The following ZFAT variants were observed in gnomAD, a reference collection of about 807,000 sequenced individuals.
ZFAT encodes the protein zinc finger and AT-hook domain containing.
ZFAT carries 64 observed loss-of-function variants against 117.7 expected under a neutral mutation model. The observed-to-expected ratio is 0.54, with a 90% confidence interval of 0.44 to 0.67. The LOEUF is 0.67. Ranked by LOEUF, ZFAT falls within the 30% of genes least tolerant of loss-of-function variation. The pLI is 0.00. For missense variants in ZFAT, 1,433 were observed against 1,584.5 expected (o/e 0.90, Z 1.62); for synonymous variants, 679 against 615.0 (o/e 1.10, Z -1.54).
chr8:134,636,854 C>G (rs1346229517), intron 3 of ZFAT, among the ~76,000 whole-genome samples: 1 of 152,230 alleles, frequency 6.6e-6, no homozygotes, highest in Non-Finnish European at 1.5e-5. Context: ...TGCTTCAGAG[C>G]TGAAGCCTAG....
Position 134,600,676 on chromosome 8 carries a change from A to T in ZFAT, c.2243-8T>A. On this transcript the variant is annotated splice_region_variant and splice_polypyrimidine_tract_variant and intron_variant, in intron 6 of 15. Coordinates refer to ENST00000377838, the MANE Select transcript of ZFAT (RefSeq NM_020863.4). ...GGTACCAAAAAAGTTTGCCTAAAAA[A>T]ATATTTTCACATGAGAACAAGGAAG... 1.3e-6 allele frequency: 2 copies of T among 1,568,214 alleles called. No homozygotes were observed. The highest frequency in any genetic ancestry group is 1.7e-6 in the Non-Finnish European group (2 of 1,157,640).
intron 11 of ZFAT, among the ~76,000 whole-genome samples, chr8:134,557,794 T>G (rs1823761069): frequency 6.6e-6 from 1 of 152,198 alleles, no homozygotes; most frequent in Non-Finnish European, 1.5e-5. Context: ...GACTATGCAC[T>G]CCAATTAAAG....
At chr8:134,767,799 A>G in the ZFAT span, among the ~76,000 whole-genome samples, 1 of 152,114 alleles carries the variant, frequency 6.6e-6, no homozygotes, top group African/African-American at 2.4e-5. Context: ...TACAATTTTT[A>G]CTATGTTGTA....
intron 11 of ZFAT, among the ~76,000 whole-genome samples, chr8:134,554,445 C>A (rs1823412068): frequency 6.6e-6 from 1 of 152,248 alleles, no homozygotes; most frequent in African/African-American, 2.4e-5. Flanking sequence ...CCACCAGTTC[C>A]TTTTGTCCTA....
rs1586865621 is a variant in ZFAT at position 134,637,781 on chromosome 8, C to T, written c.197-69G>A. ...CAGTGCAGGGTTCACAATCACCCTC[C>T]AAGTGTGAGGATATGTTCAGGTTTC... is the stretch of plus-strand genomic sequence containing the variant. On this transcript the variant is annotated intron_variant, in intron 2 of 15. Transcript: ENST00000377838. The T allele has an allele frequency of 2.6e-6, 4 of 1,549,138 alleles. No individual in the cohort carries two copies. The African/African-American group carries it at 5.5e-5, about 21-fold the overall frequency.
chr8:134,565,265 C>T, intron 11 of ZFAT, 68 bp downstream of exon 11: 1 of 1,605,296 alleles, frequency 6.2e-7, no homozygotes, highest in Non-Finnish European at 8.5e-7. Context: ...ATGCTCTCTC[C>T]ATCTTCACTT....
chr8:134,493,848 GT>G (rs1201762991), intron 15 of ZFAT, among the ~76,000 whole-genome samples: 2 of 152,194 alleles, frequency 1.3e-5, no homozygotes. Flanking sequence ...CCAGCTTATA[GT>G]AGGCACTCAA....
At chr8:134,552,010 TCC>T (rs1823205150) in intron 11 of ZFAT, among the ~76,000 whole-genome samples, 1 of 152,216 alleles carries the variant, frequency 6.6e-6, no homozygotes, top group South Asian at 2.1e-4. Context: ...AATATATTAA[TCC>T]AATTAAAACA....
At chr8:134,607,640 C>A (rs17770070) in intron 5 of ZFAT, among the ~76,000 whole-genome samples, 1 of 152,252 alleles carries the variant, frequency 6.6e-6, no homozygotes, top group East Asian at 1.9e-4. Context: ...CTAGAGCCAA[C>A]CTAGGTCTAT....
chr8:134,512,653 C>G, intron 13 of ZFAT, 52 bp from the exon 14 acceptor site: 1 of 1,580,950 alleles, frequency 6.3e-7, no homozygotes, highest in South Asian at 1.1e-5. Flanking sequence ...GACTGTTGCC[C>G]AGAAGTTCCA....
chr8:134,554,616 A>G (rs1372661), intron 11 of ZFAT, among the ~76,000 whole-genome samples: 53,507 of 151,994 alleles, frequency 0.35, 9,727 homozygotes, highest in East Asian at 0.67. Flanking sequence ...GTGCACTGCC[A>G]ACTCTCCAAA....
intron 4 of ZFAT, 58 bp downstream of exon 4, chr8:134,610,412 C>T: frequency 6.5e-7 from 1 of 1,543,284 alleles, no homozygotes; most frequent in Non-Finnish European, 8.7e-7. Flanking sequence ...CATCAGGCTG[C>T]CCTTGGCACA....
At chr8:134,547,118 C>A (rs927299163) in intron 11 of ZFAT, among the ~76,000 whole-genome samples, 1 of 152,116 alleles carries the variant, frequency 6.6e-6, no homozygotes, top group African/African-American at 2.4e-5. Context: ...CAAGGCCCTG[C>A]GAAGTTAAGC....
the ZFAT span, among the ~76,000 whole-genome samples, chr8:134,735,395 G>A: frequency 6.6e-6 from 1 of 152,184 alleles, no homozygotes; most frequent in South Asian, 2.1e-4. Context: ...CACTGGGATT[G>A]GAGGGCAGGC....
chr8:134,771,432 G>T, the ZFAT span, among the ~76,000 whole-genome samples: 1 of 152,176 alleles, frequency 6.6e-6, no homozygotes, highest in African/African-American at 2.4e-5. Flanking sequence ...CAAGTTCAAA[G>T]TTCCACAGAT....
At chr8:134,710,750 T>A (rs183100411) in intron 1 of ZFAT, among the ~76,000 whole-genome samples, 10 of 152,340 alleles carry the variant, frequency 6.6e-5, no homozygotes, top group Non-Finnish European at 1.5e-4. Context: ...ATATTTTTAA[T>A]TTTGATCATG....
Position 134,607,389 on chromosome 8 carries a change from CACT to C in ZFAT, c.785+1337_785+1339del, listed in dbSNP as rs1202966209. Among the ~76,000 whole-genome samples the C allele has an allele frequency of 4.6e-5, 7 of 152,336 alleles. No individual in the cohort carries two copies. In the East Asian group the frequency reaches 1.3e-3, roughly 29 times the overall value. On this transcript the variant is annotated intron_variant, in intron 5 of 15. Coordinates refer to ENST00000377838, the MANE Select transcript of ZFAT (RefSeq NM_020863.4). ...ATATAATAATATAATTTAATGAGAG[CACT>C]ACATGTGCCAGGCACTTTGCATATT...
chr8:134,543,611 G>T (rs897938053), intron 11 of ZFAT, among the ~76,000 whole-genome samples: 8 of 152,168 alleles, frequency 5.3e-5, no homozygotes, highest in African/African-American at 1.9e-4. Flanking sequence ...TGAGTTCCTT[G>T]GGTCAGGCTC....
intron 15 of ZFAT, among the ~76,000 whole-genome samples, chr8:134,485,507 C>A (rs77444283): frequency 0.12 from 18,681 of 152,234 alleles, 1,269 homozygotes; most frequent in Middle Eastern, 0.19. Context: ...GAAAGACAAC[C>A]CCTCCTCATC....
Sources: gnomAD v4.1 joint callset for allele counts (sites outside exome capture counted in the v4.1 genomes callset) on GRCh38, gnomAD v4.1.1 for gene constraint, MANE v1.5 for transcripts, NCBI Gene and HGNC (gene_info 2026-07-23, HGNC 2026-07-21) for gene names.